SPAG16: variants seen among roughly 807,000 people sequenced by gnomAD.
SPAG16 encodes the protein sperm associated antigen 16.
In SPAG16, 86 loss-of-function variants were observed where a neutral mutation model predicts 80.4. The ratio of observed to expected loss-of-function variants is 1.07; its 90% confidence interval spans 0.90 to 1.28. SPAG16 has a LOEUF of 1.28. Ranked by LOEUF, SPAG16 falls within the 50% of genes most tolerant of loss-of-function variation. The probability of loss-of-function intolerance (pLI) is 0.00; values close to 1 mark genes in which losing one functional copy is unlikely to be tolerated. For missense variants in SPAG16, 870 were observed against 765.3 expected (o/e 1.14, Z -1.61); for synonymous variants, 294 against 265.9 (o/e 1.11, Z -1.03).
intron 9 of SPAG16, among the ~76,000 whole-genome samples, chr2:213,448,865 AAATCAGTGC>A (rs1363355686): frequency 6.6e-6 from 1 of 152,160 alleles, no homozygotes; most frequent in Non-Finnish European, 1.5e-5. Flanking sequence ...GAACAATATG[AAATCAGTGC>A]ACCTTGAAAA....
chr2:213,867,425 T>C (rs2075735363), intron 11 of SPAG16, among the ~76,000 whole-genome samples: 1 of 152,194 alleles, frequency 6.6e-6, no homozygotes, highest in Non-Finnish European at 1.5e-5. Flanking sequence ...GTGGCTCGTT[T>C]TAGAATGCTA....
chr2:213,688,219 G>T (rs982175146), intron 10 of SPAG16, among the ~76,000 whole-genome samples: 1 of 152,192 alleles, frequency 6.6e-6, no homozygotes, highest in Non-Finnish European at 1.5e-5. Context: ...TTAAGATAAA[G>T]ATTGTGGAGA....
chr2:213,617,951 T>G (rs549958702), intron 10 of SPAG16, among the ~76,000 whole-genome samples: 3 of 152,288 alleles, frequency 2.0e-5, no homozygotes, highest in Admixed American at 2.0e-4. Flanking sequence ...AACTTTCCTT[T>G]GTACACAGCT....
intron 10 of SPAG16, among the ~76,000 whole-genome samples, chr2:213,634,480 C>T (rs1441197704): frequency 6.6e-6 from 1 of 152,138 alleles, no homozygotes; most frequent in Non-Finnish European, 1.5e-5. Flanking sequence ...TGTTATAATA[C>T]TGTGTGTTTT....
At chr2:214,017,338 T>TA (rs1288995263) in intron 13 of SPAG16, among the ~76,000 whole-genome samples, 1 of 152,164 alleles carries the variant, frequency 6.6e-6, no homozygotes, top group Non-Finnish European at 1.5e-5. Flanking sequence ...TATTTTGAAC[T>TA]AAAAACTTAG....
chr2:213,950,723 T>TTTC (rs200976910), intron 12 of SPAG16, among the ~76,000 whole-genome samples: 2 of 128,944 alleles, frequency 1.6e-5, no homozygotes, highest in African/African-American at 6.0e-5. Context: ...TTTTTTTTTT[T>TTTC]CCCTCAAGAC....
At chr2:213,684,147 C>T (rs1269194983) in intron 10 of SPAG16, among the ~76,000 whole-genome samples, 2 of 152,196 alleles carry the variant, frequency 1.3e-5, no homozygotes, top group African/African-American at 4.8e-5. Context: ...GCTATCCTGT[C>T]AACACTGGCA....
rs551026420 is a variant in SPAG16 at position 213,591,245 on chromosome 2, G to A, written c.1070+101155G>A. On this transcript the variant is annotated intron_variant, in intron 10 of 15. Transcript: ENST00000331683. ...TAAAGTAATTCAATTTCCTGTATAT[G>A]TCAAGGGAAGATCACCTAATTCTGA... is the stretch of plus-strand genomic sequence containing the variant. 1.8e-3 allele frequency among the ~76,000 whole-genome samples: 268 copies of A among 152,230 alleles called. 1 individual carries two copies. Among genetic ancestry groups the A allele is most frequent in the African/African-American group, 6.3e-3 (260 of 41,538 alleles).
intron 10 of SPAG16, among the ~76,000 whole-genome samples, chr2:213,795,139 G>C (rs2070945867): frequency 6.6e-6 from 1 of 152,090 alleles, no homozygotes; most frequent in Admixed American, 6.5e-5. Flanking sequence ...CATTCTCAAA[G>C]TGTAAGAAAG....
intron 10 of SPAG16, among the ~76,000 whole-genome samples, chr2:213,804,917 T>C (rs535284643): frequency 3.3e-5 from 5 of 152,292 alleles, no homozygotes; most frequent in African/African-American, 1.2e-4. Context: ...AGCGTTATCT[T>C]CATCCTCAGA....
At chr2:214,322,705 A>G (rs1026187442) in intron 15 of SPAG16, among the ~76,000 whole-genome samples, 6 of 152,196 alleles carry the variant, frequency 3.9e-5, no homozygotes, top group African/African-American at 1.4e-4. Flanking sequence ...ACACTCATCT[A>G]CCACCAGAAA....
At chr2:214,072,802 AAATGT>A (rs1225426304) in intron 13 of SPAG16, among the ~76,000 whole-genome samples, 8 of 152,192 alleles carry the variant, frequency 5.3e-5, no homozygotes, top group Non-Finnish European at 5.9e-5. Context: ...TTAAAAATAA[AAATGT>A]AATGTATTTT....
chr2:213,328,803 G>A (rs1469439729), intron 5 of SPAG16, among the ~76,000 whole-genome samples: 1 of 152,050 alleles, frequency 6.6e-6, no homozygotes, highest in African/African-American at 2.4e-5. Context: ...GCCTAAGATG[G>A]TTACCTGTTG....
intron 10 of SPAG16, among the ~76,000 whole-genome samples, chr2:213,771,629 G>A (rs1324299065): frequency 2.0e-5 from 3 of 151,990 alleles, no homozygotes; most frequent in Non-Finnish European, 4.4e-5. Context: ...TAATTTTTAT[G>A]TGTGGTGTAA....
intron 15 of SPAG16, among the ~76,000 whole-genome samples, chr2:214,394,325 T>C (rs1701244389): frequency 6.6e-6 from 1 of 152,072 alleles, no homozygotes; most frequent in African/African-American, 2.4e-5. Flanking sequence ...TTTGAGGAAA[T>C]AGCTACTCCC....
chr2:214,127,625 A>G (rs539559354), intron 14 of SPAG16, among the ~76,000 whole-genome samples: 1 of 151,862 alleles, frequency 6.6e-6, no homozygotes, highest in South Asian at 2.1e-4. Flanking sequence ...TTACATGGCA[A>G]TGCATTTTAT....
At chr2:213,597,874 A>C (rs147217273) in intron 10 of SPAG16, among the ~76,000 whole-genome samples, 1 of 152,326 alleles carries the variant, frequency 6.6e-6, no homozygotes, top group African/African-American at 2.4e-5. Flanking sequence ...CTGTCGAGAA[A>C]ATCTGCCTTG....
intron 10 of SPAG16, among the ~76,000 whole-genome samples, chr2:213,860,974 T>C (rs1308862434): frequency 6.6e-6 from 1 of 152,178 alleles, no homozygotes; most frequent in Non-Finnish European, 1.5e-5. Context: ...ATATTTTTCT[T>C]CTAATTAAGT....
chr2:213,455,162 A>G (rs1014636200), intron 9 of SPAG16, among the ~76,000 whole-genome samples: 11 of 152,240 alleles, frequency 7.2e-5, no homozygotes, highest in Non-Finnish European at 1.3e-4. Context: ...CACTAACAAG[A>G]GCACCTTGAA....
Sources: gnomAD v4.1 joint callset for allele counts (sites outside exome capture counted in the v4.1 genomes callset) on GRCh38, gnomAD v4.1.1 for gene constraint, MANE v1.5 for transcripts, NCBI Gene and HGNC (gene_info 2026-07-23, HGNC 2026-07-21) for gene names.